SSR1: variants seen among roughly 807,000 people sequenced by gnomAD.
SSR1 encodes the protein translocon-associated protein subunit alpha.
SSR1 carries 13 observed loss-of-function variants against 36.1 expected under a neutral mutation model. The observed-to-expected ratio is 0.36, with a 90% CI of 0.23 to 0.57. SSR1 has a LOEUF of 0.57. SSR1 is among the 20% of genes least tolerant of loss of function. The pLI is 0.81. For missense variants in SSR1, 291 were observed against 338.5 expected (o/e 0.86, Z 1.10); for synonymous variants, 113 against 118.9 (o/e 0.95, Z 0.32).
intron 2 of SSR1, among the ~76,000 whole-genome samples, chr6:7,309,382 A>G (rs1230553141): frequency 1.3e-5 from 2 of 152,256 alleles, no homozygotes; most frequent in African/African-American, 4.8e-5. Context: ...GGATCACTTG[A>G]GCCCAGGAGT....
At chr6:7,303,253 G>A (rs1445745245) in intron 3 of SSR1, among the ~76,000 whole-genome samples, 1 of 151,894 alleles carries the variant, frequency 6.6e-6, no homozygotes. Context: ...ATTAAACCTG[G>A]GAGGTGAAGG....
Position 7,287,129 on chromosome 6 carries a change from C to G in SSR1, c.*2735G>C, listed in dbSNP as rs1300973453. ...TATCAAGGGTATGGATATCATTGTACAAGATGAATGCTATATATGAGGCTC... is the reference window on the plus strand; with the variant it reads ...TATCAAGGGTATGGATATCATTGTAGAAGATGAATGCTATATATGAGGCTC... On this transcript the variant is annotated 3_prime_UTR_variant, in exon 8 of 8. Transcript: ENST00000244763. 6.6e-6 allele frequency: 1 copy of G among 152,016 alleles called. No individual in the cohort carries two copies. The highest frequency in any genetic ancestry group is 1.9e-4 in the East Asian group (1 of 5,188). 9.4% of individuals were successfully genotyped at this position (152,016 alleles called of 1,614,324 possible). A position where few individuals can be genotyped will look rare whatever the true frequency, so the allele number is the denominator to read the frequency against.
At chr6:7,294,863 T>G (rs549578013) in intron 7 of SSR1, among the ~76,000 whole-genome samples, 165 of 152,342 alleles carry the variant, frequency 1.1e-3, no homozygotes, top group African/African-American at 3.7e-3. Flanking sequence ...TTATAAAGGT[T>G]AGTATTTTAA....
intron 2 of SSR1, among the ~76,000 whole-genome samples, 188 bp downstream of exon 2, chr6:7,309,729 T>C (rs1477505944): frequency 6.6e-6 from 1 of 152,202 alleles, no homozygotes; most frequent in African/African-American, 2.4e-5. Flanking sequence ...AAGAAGGACA[T>C]GTTTGCTTCA....
chr6:7,312,754 G>C (rs1396687853), intron 1 of SSR1, among the ~76,000 whole-genome samples: 7 of 152,208 alleles, frequency 4.6e-5, no homozygotes, highest in African/African-American at 1.7e-4. Context: ...GCTCCTGCAG[G>C]CGAGGGTCCA....
intron 3 of SSR1, 104 bp from the exon 4 acceptor site, chr6:7,301,676 T>C: frequency 1.6e-6 from 2 of 1,257,850 alleles, no homozygotes; most frequent in Admixed American, 2.6e-5. Context: ...CTGTGGACTT[T>C]GGTGTCAGAA....
At chr6:7,294,655 C>CA (rs1429622343) in intron 7 of SSR1, among the ~76,000 whole-genome samples, 11 of 152,218 alleles carry the variant, frequency 7.2e-5, no homozygotes, top group African/African-American at 2.6e-4. Context: ...CATGCCACTG[C>CA]ACTCCAGCCT....
At chr6:7,291,565 A>G (rs1014099927) in intron 7 of SSR1, among the ~76,000 whole-genome samples, 1 of 152,196 alleles carries the variant, frequency 6.6e-6, no homozygotes, top group African/African-American at 2.4e-5. Flanking sequence ...ACTTACCTAA[A>G]ACTGAGCTGT....
chr6:7,295,481 T>C lies in SSR1; in HGVS notation c.704A>G (p.Lys235Arg), dbSNP rs1230729551. 1 of 1,595,994 alleles carries C rather than the reference T, an allele frequency of 6.3e-7. No individual in the cohort carries two copies. ...LHQLLESRKR[K>R]RPIQKVEMGT... ...CATTTCTACTTTCTGTATGGGTCTC[T>C]TACGCTAAAAGAACATAAAGACATA... The change falls in exon 7 of 8, where the codon AAG becomes AGG. Residue 235 changes from lysine (K) to arginine (R), a missense_variant. Lys to Arg is a conservative substitution (Grantham distance 26). Coordinates refer to ENST00000244763, the MANE Select transcript of SSR1 (RefSeq NM_003144.5).
intron 2 of SSR1, among the ~76,000 whole-genome samples, chr6:7,305,258 A>G (rs965692119): frequency 3.3e-5 from 5 of 152,240 alleles, no homozygotes; most frequent in African/African-American, 1.2e-4. Flanking sequence ...ACACATGGCA[A>G]AAGATTTGGA....
intron 7 of SSR1, among the ~76,000 whole-genome samples, chr6:7,293,164 T>C (rs914447177): frequency 6.8e-6 from 1 of 146,100 alleles, no homozygotes; most frequent in Non-Finnish European, 1.5e-5. Context: ...CTGCAAAAAC[T>C]GTGATTTCCT....
rs1404976056 is a variant in SSR1, at chr6:7,284,655, T to C, written c.*5209A>G. On this transcript the variant is annotated 3_prime_UTR_variant, in exon 8 of 8. Transcript: ENST00000244763. ...ACCAAAAGCTGAAGCATCATACAAC[T>C]TGCCTCCAACTAAGAGGGGATCTGG... is the stretch of plus-strand genomic sequence containing the variant. 2.0e-5 allele frequency: 3 copies of C among 151,178 alleles called. No homozygotes were observed. Among genetic ancestry groups the C allele is most frequent in the Non-Finnish European group, 4.4e-5 (3 of 67,984 alleles). 9.4% of individuals were successfully genotyped at this position (151,178 alleles called of 1,614,324 possible). A position where few individuals can be genotyped will look rare whatever the true frequency, so the allele number is the denominator to read the frequency against.
chr6:7,304,219 T>C (rs1581634839), intron 2 of SSR1, among the ~76,000 whole-genome samples: 1 of 152,332 alleles, frequency 6.6e-6, no homozygotes, highest in East Asian at 1.9e-4. Context: ...ATTCAGACCA[T>C]ATTGTGAACT....
chr6:7,298,650 CCAT>C (rs1757856098), intron 5 of SSR1, 94 bp downstream of exon 5: 5 of 858,138 alleles, frequency 5.8e-6, no homozygotes, highest in South Asian at 2.9e-5. Context: ...ACAGTTCATT[CCAT>C]CGTCAACATC....
intron 2 of SSR1, among the ~76,000 whole-genome samples, chr6:7,306,741 C>T (rs540387533): frequency 6.6e-6 from 1 of 151,666 alleles, no homozygotes; most frequent in Admixed American, 6.6e-5. Flanking sequence ...ATGGTGAAAC[C>T]CCGTCTCTAC....
chr6:7,286,934 A>AAAAAAG lies in SSR1; in HGVS notation c.*2929_*2930insCTTTTT, dbSNP rs1757568165. 6.6e-6 allele frequency: 1 copy of AAAAAAG among 151,732 alleles called. No homozygotes were observed. Among genetic ancestry groups the AAAAAAG allele is most frequent in the Non-Finnish European group, 1.5e-5 (1 of 67,932 alleles). 9.4% of individuals were successfully genotyped at this position (151,732 alleles called of 1,614,324 possible). A position where few individuals can be genotyped will look rare whatever the true frequency, so the allele number is the denominator to read the frequency against. On this transcript the variant is annotated 3_prime_UTR_variant, in exon 8 of 8. Transcript: ENST00000244763. Reference sequence around the variant, plus strand: ...CAGGGGGCAAAAAAAAAAAAAAAAAAAAAAGTACTATGGAAGTACTTAAGT... The same window carrying AAAAAAG: ...CAGGGGGCAAAAAAAAAAAAAAAAAAAAAAAGAAAAGTACTATGGAAGTACTTAAGT...
At chr6:7,303,138 TAAAAAAAAAAAAA>T (rs35763826) in intron 3 of SSR1, among the ~76,000 whole-genome samples, 5 of 42,918 alleles carry the variant, frequency 1.2e-4, no homozygotes, top group Admixed American at 3.6e-4. Flanking sequence ...GACTACATCT[TAAAAAAAAAAAAA>T]AAAAAAAAAA....
chr6:7,290,159 G>A (rs918517672), intron 7 of SSR1, among the ~76,000 whole-genome samples: 2 of 152,190 alleles, frequency 1.3e-5, no homozygotes, highest in African/African-American at 4.8e-5. Context: ...TGCAATTAGG[G>A]TGGGTAAGAG....
rs1194337695 is a variant in SSR1 at position 7,289,693 on chromosome 6, T to C, written c.*171A>G. ...AACCAAATTTGTTACTTTAGAAAAA[T>C]GAATGCAGTGCATTTTCAGCAATAT... On this transcript the variant is annotated 3_prime_UTR_variant, in exon 8 of 8. Coordinates refer to ENST00000244763, the MANE Select transcript of SSR1 (RefSeq NM_003144.5). 9.2e-5 allele frequency: 58 copies of C among 631,112 alleles called. No homozygotes were observed. The highest frequency in any genetic ancestry group is 5.3e-6 in the Non-Finnish European group (2 of 377,050). 39.1% of individuals were successfully genotyped at this position (631,112 alleles called of 1,614,324 possible). A position where few individuals can be genotyped will look rare whatever the true frequency, so the allele number is the denominator to read the frequency against.
Sources: allele counts gnomAD v4.1 joint callset (sites outside exome capture counted in the v4.1 genomes callset), GRCh38; gene constraint gnomAD v4.1.1; transcripts MANE v1.5; gene names NCBI Gene and HGNC (gene_info 2026-07-23, HGNC 2026-07-21).